The following WDR64 variants were observed in gnomAD, a reference collection of about 807,000 sequenced individuals.
WDR64 encodes WD repeat-containing protein 64.
A neutral mutation model predicts 139.3 loss-of-function variants in WDR64; 112 were observed. The observed-to-expected ratio is 0.80, with a 90% CI of 0.69 to 0.94. The LOEUF is 0.94. WDR64 is among the 40% of genes least tolerant of loss of function. The probability of loss-of-function intolerance (pLI) is 0.00; values close to 1 mark genes in which losing one functional copy is unlikely to be tolerated. For synonymous variants in WDR64, 444 were observed against 437.7 expected (o/e 1.01, Z -0.18); for missense variants, 1,206 against 1,293.1 (o/e 0.93, Z 1.03).
At chr1:241,759,451 C>T (rs1670340299) in intron 15 of WDR64, among the ~76,000 whole-genome samples, 1 of 152,164 alleles carries the variant, frequency 6.6e-6, no homozygotes, top group Non-Finnish European at 1.5e-5. Flanking sequence ...TTCTGAGCTA[C>T]AGAACAAAGT....
chr1:241,675,704 C>T (rs1256599293), intron 4 of WDR64, among the ~76,000 whole-genome samples: 2 of 152,200 alleles, frequency 1.3e-5, no homozygotes, highest in Admixed American at 6.5e-5. Flanking sequence ...GAGCCACTTA[C>T]ATATCTTTCA....
intron 21 of WDR64, among the ~76,000 whole-genome samples, chr1:241,777,247 T>C (rs1488067358): frequency 6.6e-6 from 1 of 152,078 alleles, no homozygotes; most frequent in Non-Finnish European, 1.5e-5. Flanking sequence ...TATGCTTTTT[T>C]TTTCCTGTAG....
chr1:241,764,003 T>C (rs185144535), intron 15 of WDR64, among the ~76,000 whole-genome samples: 127 of 152,112 alleles, frequency 8.3e-4, no homozygotes, highest in African/African-American at 2.9e-3. Flanking sequence ...TAGAGGATAG[T>C]GAAAAGACAG....
chr1:241,713,033 G>A (rs1198339265), intron 9 of WDR64, among the ~76,000 whole-genome samples: 3 of 151,444 alleles, frequency 2.0e-5, no homozygotes, highest in African/African-American at 4.9e-5. Context: ...CTGGACAGGC[G>A]CAGTGGCTCG....
chr1:241,757,587 T>C (rs938994711), intron 15 of WDR64, 128 bp downstream of exon 15: 2 of 764,698 alleles, frequency 2.6e-6, no homozygotes, highest in Non-Finnish European at 3.9e-6. Context: ...GAGAACTTTC[T>C]GTATATGACC....
chr1:241,794,504 GTTTTTTTTTT>G (rs11419039), intron 25 of WDR64, among the ~76,000 whole-genome samples: 2 of 81,458 alleles, frequency 2.5e-5, no homozygotes, highest in East Asian at 7.8e-4. Context: ...AAGCTTTACT[GTTTTTTTTTT>G]TTTTTTTTTT....
intron 10 of WDR64, among the ~76,000 whole-genome samples, chr1:241,736,969 C>A (rs181115911): frequency 2.0e-5 from 3 of 152,302 alleles, no homozygotes; most frequent in Admixed American, 1.3e-4. Context: ...CCACCATGAA[C>A]ATACCTTAGC....
intron 10 of WDR64, among the ~76,000 whole-genome samples, chr1:241,735,536 T>TCCC (rs1255527109): frequency 7.1e-5 from 10 of 140,520 alleles, no homozygotes; most frequent in African/African-American, 2.2e-4. Context: ...TCTCTCTCTT[T>TCCC]TTTTTTTTTT....
intron 24 of WDR64, among the ~76,000 whole-genome samples, chr1:241,788,961 G>T (rs1297103787): frequency 6.6e-6 from 1 of 152,116 alleles, no homozygotes; most frequent in African/African-American, 2.4e-5. Flanking sequence ...TAGTACTTAA[G>T]ACAGGATTCT....
chr1:241,689,064 T>G (rs1206426020), intron 8 of WDR64, among the ~76,000 whole-genome samples: 2 of 152,130 alleles, frequency 1.3e-5, no homozygotes, highest in Non-Finnish European at 2.9e-5. Flanking sequence ...CTCTAACCTC[T>G]GGTCGCACCT....
intron 9 of WDR64, among the ~76,000 whole-genome samples, chr1:241,721,504 A>G (rs1668608947): frequency 6.6e-6 from 1 of 152,102 alleles, no homozygotes; most frequent in South Asian, 2.1e-4. Flanking sequence ...GCTTTGTTGT[A>G]TTACTAACTC....
intron 23 of WDR64, among the ~76,000 whole-genome samples, chr1:241,785,260 A>T (rs528054648): frequency 6.6e-6 from 1 of 152,268 alleles, no homozygotes; most frequent in East Asian, 1.9e-4. Flanking sequence ...TAAACAACAG[A>T]AATTTATTGC....
At chr1:241,692,259 C>T (rs1175444378) in intron 8 of WDR64, among the ~76,000 whole-genome samples, 9 of 152,056 alleles carry the variant, frequency 5.9e-5, no homozygotes, top group Admixed American at 4.6e-4. Flanking sequence ...GCGATCTCAC[C>T]CAAAATTCAG....
intron 2 of WDR64, among the ~76,000 whole-genome samples, chr1:241,667,799 G>T (rs1457252807): frequency 6.6e-6 from 1 of 152,196 alleles, no homozygotes; most frequent in African/African-American, 2.4e-5. Flanking sequence ...TTAGGAAAAT[G>T]AGAGCCATAC....
intron 6 of WDR64, among the ~76,000 whole-genome samples, chr1:241,679,813 G>C (rs755523592): frequency 6.6e-6 from 1 of 152,132 alleles, no homozygotes; most frequent in Non-Finnish European, 1.5e-5. Flanking sequence ...TGGCGGTTGG[G>C]TTGTTTTTGA....
chr1:241,720,870 A>C (rs985045099), intron 9 of WDR64, among the ~76,000 whole-genome samples: 1 of 152,140 alleles, frequency 6.6e-6, no homozygotes, highest in Non-Finnish European at 1.5e-5. Flanking sequence ...GTCTTTGCCC[A>C]TGCCTATGTC....
At chr1:241,673,101 A>G (rs994604954) in intron 3 of WDR64, among the ~76,000 whole-genome samples, 8 of 150,594 alleles carry the variant, frequency 5.3e-5, no homozygotes, top group African/African-American at 2.0e-4. Context: ...AAAACCAAAC[A>G]CCGCATGTTC....
At chr1:241,794,181 CAAA>C (rs34541036) in intron 25 of WDR64, among the ~76,000 whole-genome samples, 61 of 144,248 alleles carry the variant, frequency 4.2e-4, no homozygotes, top group Admixed American at 7.6e-4. Flanking sequence ...AACTCTGTCT[CAAA>C]AAAAAAAAAA....
At chr1:241,748,493 T>C (rs1013071900) in intron 13 of WDR64, among the ~76,000 whole-genome samples, 1 of 152,156 alleles carries the variant, frequency 6.6e-6, no homozygotes, top group Non-Finnish European at 1.5e-5. Flanking sequence ...TACTTTTCTT[T>C]TTTTGTCTGA....
Sources: allele counts gnomAD v4.1 joint callset (sites outside exome capture counted in the v4.1 genomes callset), GRCh38; gene constraint gnomAD v4.1.1; transcripts MANE v1.5; gene names NCBI Gene and HGNC (gene_info 2026-07-23, HGNC 2026-07-21).